ADRA1B: variants seen among roughly 807,000 people sequenced by gnomAD.
The protein encoded by ADRA1B is alpha-1B adrenergic receptor.
ADRA1B carries 17 observed loss-of-function variants against 17.9 expected under a neutral mutation model. The ratio of observed to expected loss-of-function variants is 0.95; its 90% confidence interval spans 0.65 to 1.42. The LOEUF (loss-of-function observed/expected upper bound fraction) is 1.42, where lower values mean the gene tolerates loss of function less well. Among genes scored for constraint, ADRA1B ranks in the 40% most tolerant of loss-of-function variants. The pLI is 0.00. For missense variants in ADRA1B, 681 were observed against 722.1 expected, an observed-to-expected ratio of 0.94 and a Z score of 0.65; for synonymous variants, 366 against 327.6, an observed-to-expected ratio of 1.12 and a Z score of -1.27.
rs183389687 is a variant in ADRA1B at position 159,963,878 on chromosome 5, C to T, written c.950-8001C>T. On this transcript the variant is annotated intron_variant, in intron 1 of 1. Coordinates refer to ENST00000306675, the MANE Select transcript of ADRA1B (RefSeq NM_000679.4). ...TCAATGTGAGCCTTTGACCCTTGCACTTCTCAGTCCCTCTAAATCGCCCTT... is the reference window on the plus strand; with the variant it reads ...TCAATGTGAGCCTTTGACCCTTGCATTTCTCAGTCCCTCTAAATCGCCCTT... Among the ~76,000 whole-genome samples, 145 of 152,348 alleles carry T rather than the reference C, an allele frequency of 9.5e-4. 4 individuals carry two copies. In the East Asian group the frequency reaches 0.023, roughly 24 times the overall value.
intron 1 of ADRA1B, among the ~76,000 whole-genome samples, chr5:159,939,151 T>C (rs562926216): frequency 2.0e-5 from 3 of 152,106 alleles, no homozygotes; most frequent in African/African-American, 4.8e-5. Context: ...CTTCTTCCAC[T>C]GTGATCTGGA....
At chr5:159,929,434 G>T (rs1337897245) in intron 1 of ADRA1B, among the ~76,000 whole-genome samples, 1 of 149,458 alleles carries the variant, frequency 6.7e-6, no homozygotes, top group Non-Finnish European at 1.5e-5. Flanking sequence ...TTTAGTTTGG[G>T]TTTTTTTTGG....
At chr5:159,865,583 C>A (rs1409156598) in intron 1 of ADRA1B, among the ~76,000 whole-genome samples, 2 of 152,248 alleles carry the variant, frequency 1.3e-5, no homozygotes, top group Non-Finnish European at 2.9e-5. Flanking sequence ...CCTATCACAA[C>A]TGCATTGCAT....
intron 1 of ADRA1B, among the ~76,000 whole-genome samples, chr5:159,903,860 G>A (rs1754128450): frequency 2.0e-5 from 3 of 152,130 alleles, no homozygotes; most frequent in South Asian, 2.1e-4. Context: ...GCCTGGGCCC[G>A]ACAGGTGGAA....
At chr5:159,902,079 G>T (rs540289317) in intron 1 of ADRA1B, among the ~76,000 whole-genome samples, 2 of 152,312 alleles carry the variant, frequency 1.3e-5, no homozygotes, top group South Asian at 4.1e-4. Flanking sequence ...CCTCAATGTT[G>T]TGGAAGCAAC....
intron 1 of ADRA1B, among the ~76,000 whole-genome samples, chr5:159,903,449 TG>T (rs1354673037): frequency 1.3e-5 from 2 of 152,194 alleles, no homozygotes; most frequent in African/African-American, 2.4e-5. Context: ...CTACTATTTT[TG>T]TTATTAGTAG....
chr5:159,971,781 C>A, intron 1 of ADRA1B, 98 bp from the exon 2 acceptor site: 1 of 1,237,918 alleles, frequency 8.1e-7, no homozygotes, highest in Non-Finnish European at 1.0e-6. Context: ...AGGAACGCTG[C>A]AGGTTGACAA....
intron 1 of ADRA1B, among the ~76,000 whole-genome samples, chr5:159,898,499 G>A (rs1257015765): frequency 4.6e-5 from 7 of 152,206 alleles, no homozygotes; most frequent in Admixed American, 4.6e-4. Context: ...TTGGAAACTA[G>A]GGGTTAGATT....
chr5:159,972,541 G>GGGAGGGGAGGGCGGGGC lies in ADRA1B; in HGVS notation c.*57_*73dup, dbSNP rs1373072694. The GGGAGGGGAGGGCGGGGC allele has an allele frequency of 2.0e-6, 2 of 992,958 alleles. No homozygotes were observed. The highest frequency in any genetic ancestry group is 3.4e-5 in the African/African-American group (2 of 58,154). 61.5% of individuals were successfully genotyped at this position (992,958 alleles called of 1,614,324 possible). The stretch of plus-strand genomic sequence containing the variant: ...CCCTGGGGAGGAAAACATCGTGGGG[G>GGGAGGGGAGGGCGGGGC]GGAGGGGAGGGCGGGGCGGAGGGGG... On this transcript the variant is annotated 3_prime_UTR_variant, in exon 2 of 2. Transcript: ENST00000306675.
intron 1 of ADRA1B, chr5:159,955,062 A>G (rs1755525812): frequency 1.2e-6 from 1 of 815,708 alleles, no homozygotes; most frequent in Admixed American, 6.2e-5. Context: ...TCAGCAGCAA[A>G]GACTAATCAT....
chr5:159,956,101 A>G (rs1051486287), intron 1 of ADRA1B, among the ~76,000 whole-genome samples: 1 of 152,094 alleles, frequency 6.6e-6, no homozygotes, highest in Non-Finnish European at 1.5e-5. Flanking sequence ...TCAATTGGCC[A>G]GGCCTGGTGA....
At position 159,972,539 on chromosome 5, in the gene ADRA1B, G is replaced by C. The variant is rs1232278251; in HGVS notation, c.*47G>C. 3.6e-6 allele frequency: 4 copies of C among 1,110,096 alleles called. No homozygotes were observed. Among genetic ancestry groups the C allele is most frequent in the Admixed American group, 4.1e-5 (1 of 24,336 alleles). The allele number at this position is 1,110,096 out of a possible 1,614,324, so 68.8% of individuals were successfully genotyped here. On this transcript the variant is annotated 3_prime_UTR_variant, in exon 2 of 2. Transcript: ENST00000306675. ...TTCCCTGGGGAGGAAAACATCGTGG[G>C]GGGGAGGGGAGGGCGGGGCGGAGGG...
chr5:159,868,088 C>A (rs6890744), intron 1 of ADRA1B: 91,786 of 152,096 alleles, frequency 0.6, 30,001 homozygotes, highest in African/African-American at 0.83. Flanking sequence ...ACTAACTTCC[C>A]AGCCTCAGTT....
chr5:159,898,663 A>G (rs78754426), intron 1 of ADRA1B, among the ~76,000 whole-genome samples: 4,859 of 152,336 alleles, frequency 0.032, 265 homozygotes, highest in African/African-American at 0.11. Context: ...TCCTTAAAGC[A>G]TCCTATAATG....
chr5:159,873,582 G>A (rs1753772741), intron 1 of ADRA1B, among the ~76,000 whole-genome samples: 2 of 152,156 alleles, frequency 1.3e-5, no homozygotes, highest in South Asian at 2.1e-4. Context: ...CCTTCCCCAA[G>A]TGCCGATCCC....
intron 1 of ADRA1B, among the ~76,000 whole-genome samples, chr5:159,941,766 A>G (rs1032700536): frequency 3.9e-5 from 6 of 152,356 alleles, no homozygotes; most frequent in Admixed American, 3.9e-4. Flanking sequence ...GCTAAGGGAA[A>G]GAAGCCAAAC....
At chr5:159,900,739 G>C (rs1011660576) in intron 1 of ADRA1B, among the ~76,000 whole-genome samples, 2 of 152,218 alleles carry the variant, frequency 1.3e-5, no homozygotes, top group African/African-American at 2.4e-5. Context: ...TGGCAGGTTG[G>C]GGGGTGGGCA....
chr5:159,895,040 T>C (rs754284882), intron 1 of ADRA1B, among the ~76,000 whole-genome samples: 17 of 152,238 alleles, frequency 1.1e-4, no homozygotes, highest in Non-Finnish European at 1.6e-4. Context: ...CTACTGTAAA[T>C]GGAAAGATGA....
intron 1 of ADRA1B, chr5:159,869,915 A>T (rs1206174928): frequency 6.6e-6 from 1 of 152,344 alleles, no homozygotes; most frequent in East Asian, 1.9e-4. Context: ...GTAATATGTG[A>T]TATGTTACTG....
Sources: gnomAD v4.1 joint callset for allele counts (sites outside exome capture counted in the v4.1 genomes callset) on GRCh38, gnomAD v4.1.1 for gene constraint, MANE v1.5 for transcripts, NCBI Gene and HGNC (gene_info 2026-07-23, HGNC 2026-07-21) for gene names.